The following JARID2 variants were observed in gnomAD, a reference collection of about 807,000 sequenced individuals.
JARID2 encodes the protein jumonji and AT-rich interaction domain containing 2.
JARID2 carries 21 observed loss-of-function variants against 125.6 expected under a neutral mutation model. The ratio of observed to expected loss-of-function variants is 0.17; its 90% CI spans 0.12 to 0.24. The LOEUF (loss-of-function observed/expected upper bound fraction) is 0.24, where lower values mean the gene tolerates loss of function less well. Ranked by LOEUF, JARID2 falls within the 10% of genes least tolerant of loss-of-function variation. The pLI is 1.00. For synonymous variants in JARID2, 736 were observed against 661.6 expected, an observed-to-expected ratio of 1.11 and a Z score of -1.73; for missense variants, 1,303 against 1,639.6, an observed-to-expected ratio of 0.79 and a Z score of 3.55.
At chr6:15,293,136 C>G (rs922720957) in intron 1 of JARID2, among the ~76,000 whole-genome samples, 1 of 152,182 alleles carries the variant, frequency 6.6e-6, no homozygotes, top group South Asian at 2.1e-4. Context: ...TGATCCAGTG[C>G]TTGACTTTGC....
intron 3 of JARID2, among the ~76,000 whole-genome samples, chr6:15,441,625 G>C (rs536167998): frequency 2.6e-5 from 4 of 152,264 alleles, no homozygotes; most frequent in African/African-American, 9.6e-5. Context: ...GGGACTTAGA[G>C]GACACTCTGA....
intron 3 of JARID2, among the ~76,000 whole-genome samples, chr6:15,427,053 T>C (rs568050720): frequency 8.5e-5 from 13 of 152,330 alleles, no homozygotes; most frequent in Non-Finnish European, 1.6e-4. Context: ...TTTATGCTTA[T>C]CTTCCTGAAA....
rs187164590 is a variant in JARID2 at position 15,450,758 on chromosome 6, G to A, written c.324-1248G>A. On this transcript the variant is annotated intron_variant, in intron 3 of 17. Transcript: ENST00000341776. ...GAGGAGGGACTATTAGGCAATTGACGATACATATCAAGTTGATTGTATGTA... is the reference window on the plus strand; with the variant it reads ...GAGGAGGGACTATTAGGCAATTGACAATACATATCAAGTTGATTGTATGTA... 3.3e-3 allele frequency among the ~76,000 whole-genome samples: 502 copies of A among 152,286 alleles called. 2 individuals carry two copies. The highest frequency in any genetic ancestry group is 2.2e-3 in the Non-Finnish European group (152 of 68,030).
intron 1 of JARID2, among the ~76,000 whole-genome samples, chr6:15,249,802 G>C (rs1353559698): frequency 4.6e-5 from 7 of 152,304 alleles, no homozygotes; most frequent in South Asian, 2.1e-4. Flanking sequence ...TGATGTCCTT[G>C]AGAAACTCAT....
intron 2 of JARID2, among the ~76,000 whole-genome samples, chr6:15,389,326 T>TTTTAAATG (rs1330286703): frequency 6.6e-6 from 1 of 152,098 alleles, no homozygotes; most frequent in Non-Finnish European, 1.5e-5. Context: ...CCTGGATGAT[T>TTTTAAATG]TTTAAATGTT....
chr6:15,249,316 A>G (rs1409562839), intron 1 of JARID2, among the ~76,000 whole-genome samples: 1 of 152,098 alleles, frequency 6.6e-6, no homozygotes, highest in African/African-American at 2.4e-5. Context: ...TCTTTCTGGA[A>G]GCTTTGTGGT....
At chr6:15,476,914 A>T (rs1485283907) in intron 5 of JARID2, among the ~76,000 whole-genome samples, 1 of 152,226 alleles carries the variant, frequency 6.6e-6, no homozygotes, top group Non-Finnish European at 1.5e-5. Context: ...GACTAGAGGA[A>T]TTAATAAATG....
chr6:15,435,102 T>C (rs905867984), intron 3 of JARID2, among the ~76,000 whole-genome samples: 11 of 152,236 alleles, frequency 7.2e-5, no homozygotes, highest in African/African-American at 2.7e-4. Flanking sequence ...TGTTTTAACA[T>C]AGTCTGATGA....
chr6:15,393,038 G>A (rs754583906), intron 2 of JARID2, among the ~76,000 whole-genome samples: 13 of 152,126 alleles, frequency 8.5e-5, no homozygotes, highest in Non-Finnish European at 1.3e-4. Context: ...AAAGCCATGC[G>A]TGGATAGAGG....
chr6:15,327,860 T>A (rs1762584726), intron 1 of JARID2, among the ~76,000 whole-genome samples: 1 of 152,208 alleles, frequency 6.6e-6, no homozygotes, highest in African/African-American at 2.4e-5. Flanking sequence ...TTATGTCTTT[T>A]GTGAAGCGTT....
Position 15,511,547 on chromosome 6 carries a change from C to T in JARID2, c.2952+146C>T, listed in dbSNP as rs2235260. 25 of 637,574 alleles carry T rather than the reference C, an allele frequency of 3.9e-5. No homozygotes were observed. The East Asian group carries it at 6.0e-4, about 15-fold the overall frequency. The allele number at this position is 637,574 out of a possible 1,614,324, so 39.5% of individuals were successfully genotyped here. A position where few individuals can be genotyped will look rare whatever the true frequency, so the allele number is the denominator to read the frequency against. ...GTGCAAAGGGAAAGGTCCTCTGACA[C>T]AAAAGCCAAACTGACCTTCCATCAG... On this transcript the variant is annotated intron_variant, in intron 13 of 17. Transcript: ENST00000341776.
At chr6:15,468,437 A>AGTTGCTTTGT in intron 4 of JARID2, 105 bp from the exon 5 acceptor site, 1 of 948,948 alleles carries the variant, frequency 1.1e-6, no homozygotes, top group South Asian at 2.0e-5. Flanking sequence ...AGTAGAGATC[A>AGTTGCTTTGT]GTTGCTTTGT....
chr6:15,387,696 G>C (rs1384242072), intron 2 of JARID2, among the ~76,000 whole-genome samples: 3 of 152,012 alleles, frequency 2.0e-5, no homozygotes, highest in Non-Finnish European at 4.4e-5. Flanking sequence ...TTTCTTTCTT[G>C]CTTGTGTGAT....
intron 3 of JARID2, among the ~76,000 whole-genome samples, chr6:15,430,515 A>C (rs1436470185): frequency 6.6e-6 from 1 of 152,332 alleles, no homozygotes; most frequent in East Asian, 1.9e-4. Flanking sequence ...CTTATATGAA[A>C]TACTGTTCTG....
intron 3 of JARID2, among the ~76,000 whole-genome samples, chr6:15,433,975 G>GTGTGTGTGTC (rs1767091484): frequency 8.1e-6 from 1 of 123,494 alleles, no homozygotes; most frequent in African/African-American, 3.1e-5. Flanking sequence ...TGTGTGTCAG[G>GTGTGTGTGTC]AGTAGAATAG....
intron 1 of JARID2, among the ~76,000 whole-genome samples, chr6:15,334,311 T>C (rs1762810021): frequency 1.5e-5 from 2 of 134,618 alleles, no homozygotes. Context: ...CAGTGGCTTA[T>C]GTCACCAATA....
chr6:15,387,600 A>C (rs1377806021), intron 2 of JARID2, among the ~76,000 whole-genome samples: 1 of 152,202 alleles, frequency 6.6e-6, no homozygotes. Flanking sequence ...AGTACATTAC[A>C]GTCTCTGCAG....
chr6:15,403,852 C>G (rs1306888416), intron 2 of JARID2, among the ~76,000 whole-genome samples: 2 of 152,076 alleles, frequency 1.3e-5, no homozygotes, highest in African/African-American at 4.8e-5. Context: ...CCCGCGTCCA[C>G]CTATTCATCC....
chr6:15,401,012 T>G (rs1482058038), intron 2 of JARID2: 1 of 1,289,326 alleles, frequency 7.8e-7, no homozygotes, highest in African/African-American at 1.5e-5. Context: ...GAACCTGGGA[T>G]AGAAGGTCTG....
Sources: allele counts gnomAD v4.1 joint callset (sites outside exome capture counted in the v4.1 genomes callset), GRCh38; gene constraint gnomAD v4.1.1; transcripts MANE v1.5; gene names NCBI Gene and HGNC (gene_info 2026-07-23, HGNC 2026-07-21).